The following GALK2 variants were observed in gnomAD, a reference collection of about 807,000 sequenced individuals.
GALK2 encodes N-acetylgalactosamine kinase.
GALK2 carries 36 observed loss-of-function variants against 52.4 expected under a neutral mutation model. The ratio of observed to expected loss-of-function variants is 0.69; its 90% CI spans 0.53 to 0.91. The LOEUF (loss-of-function observed/expected upper bound fraction) is 0.91. Among genes scored for constraint, GALK2 ranks in the 40% least tolerant of loss-of-function variants. GALK2 has a pLI of 0.00. For missense variants in GALK2, 579 were observed against 559.1 expected, an observed-to-expected ratio of 1.04 and a Z score of -0.36; for synonymous variants, 176 against 199.1, an observed-to-expected ratio of 0.88 and a Z score of 0.98.
At chr15:49,226,987 G>A (rs971837764) in intron 3 of GALK2, among the ~76,000 whole-genome samples, 2 of 152,168 alleles carry the variant, frequency 1.3e-5, no homozygotes, top group African/African-American at 4.8e-5. Flanking sequence ...TATCTAAGAA[G>A]ATATTTGACA....
chr15:49,246,315 T>C (rs973745136), intron 5 of GALK2, among the ~76,000 whole-genome samples: 4 of 152,190 alleles, frequency 2.6e-5, no homozygotes, highest in African/African-American at 9.7e-5. Flanking sequence ...CTCTAAAAGC[T>C]AGTCTTGGGT....
intron 5 of GALK2, among the ~76,000 whole-genome samples, chr15:49,247,077 G>C (rs187819211): frequency 6.6e-6 from 1 of 152,136 alleles, no homozygotes; most frequent in South Asian, 2.1e-4. Context: ...AGTTCTCTCC[G>C]AGAAGAGGAC....
intron 5 of GALK2, among the ~76,000 whole-genome samples, chr15:49,248,756 C>G (rs943718003): frequency 2.6e-5 from 4 of 152,086 alleles, no homozygotes; most frequent in African/African-American, 7.2e-5. Flanking sequence ...AGCTATTTGT[C>G]TTTGCAGACG....
chr15:49,253,860 A>G (rs1283488276), intron 5 of GALK2, among the ~76,000 whole-genome samples: 1 of 143,950 alleles, frequency 6.9e-6, no homozygotes, highest in African/African-American at 2.5e-5. Context: ...CATCATCATC[A>G]TCAACAACAA....
At chr15:49,238,136 T>C (rs2090925081) in intron 4 of GALK2, among the ~76,000 whole-genome samples, 1 of 152,330 alleles carries the variant, frequency 6.6e-6, no homozygotes, top group South Asian at 2.1e-4. Context: ...GTATAATAGG[T>C]ATGATGAAAT....
At chr15:49,168,454 C>G (rs1219076978), upstream of GALK2, among the ~76,000 whole-genome samples, 1 of 152,144 alleles carries the variant, frequency 6.6e-6, no homozygotes, top group Admixed American at 6.5e-5. Flanking sequence ...CACGGTGGCT[C>G]ACACCTTTAA....
intron 1 of GALK2, among the ~76,000 whole-genome samples, chr15:49,158,169 G>C: frequency 6.6e-6 from 1 of 152,138 alleles, no homozygotes; most frequent in Admixed American, 6.5e-5. Flanking sequence ...TGTGAATTGT[G>C]GGTATATTGG....
At chr15:49,240,021 G>A (rs927066800) in intron 5 of GALK2, among the ~76,000 whole-genome samples, 2 of 152,118 alleles carry the variant, frequency 1.3e-5, no homozygotes, top group Non-Finnish European at 2.9e-5. Flanking sequence ...CCAGGTTTAC[G>A]GATGGTTTGG....
intron 8 of GALK2, among the ~76,000 whole-genome samples, chr15:49,293,703 A>T (rs1333350735): frequency 1.3e-5 from 2 of 152,188 alleles, no homozygotes; most frequent in Non-Finnish European, 2.9e-5. Flanking sequence ...TAATCTGTAT[A>T]ATGTGCTAAG....
intron 2 of GALK2, among the ~76,000 whole-genome samples, chr15:49,205,521 A>G (rs879911468): frequency 2.6e-5 from 4 of 152,162 alleles, no homozygotes; most frequent in Admixed American, 1.3e-4. Context: ...GGCCATTTCT[A>G]TATCTTCCTT....
chr15:49,155,822 C>T, exon 1 of GALK2: 4 of 732,720 alleles, frequency 5.5e-6, no homozygotes, highest in Non-Finnish European at 9.1e-6. Flanking sequence ...GGACATCGTC[C>T]GGTGCTGCAG....
At chr15:49,347,314 G>T (rs1428480789) in intron 3 of GALK2, among the ~76,000 whole-genome samples, 1 of 152,174 alleles carries the variant, frequency 6.6e-6, no homozygotes, top group Admixed American at 6.5e-5. Flanking sequence ...TTTGAAGTAG[G>T]AGACAGAAGA....
intron 8 of GALK2, among the ~76,000 whole-genome samples, chr15:49,307,300 T>C (rs1276818868): frequency 6.6e-6 from 1 of 152,176 alleles, no homozygotes; most frequent in Non-Finnish European, 1.5e-5. Flanking sequence ...TGGGGGACTG[T>C]TGATGTTTCT....
intron 1 of GALK2, among the ~76,000 whole-genome samples, chr15:49,163,118 A>G (rs1250569825): frequency 6.6e-6 from 1 of 152,216 alleles, no homozygotes; most frequent in Non-Finnish European, 1.5e-5. Flanking sequence ...AGTGCATAAG[A>G]GTTCTAGTTG....
intron 1 of GALK2, among the ~76,000 whole-genome samples, chr15:49,187,449 G>A (rs1367826952): frequency 6.6e-6 from 1 of 152,164 alleles, no homozygotes; most frequent in African/African-American, 2.4e-5. Flanking sequence ...GGTTACCACT[G>A]ATGCTCCCTC....
chr15:49,236,499 G>T (rs947704226), intron 4 of GALK2, among the ~76,000 whole-genome samples: 2 of 152,202 alleles, frequency 1.3e-5, no homozygotes, highest in Middle Eastern at 3.4e-3. Flanking sequence ...ATAATGAAAT[G>T]TATTAGTATA....
chr15:49,182,340 G>A (rs1209479746), intron 1 of GALK2, among the ~76,000 whole-genome samples: 3 of 152,030 alleles, frequency 2.0e-5, no homozygotes, highest in Non-Finnish European at 4.4e-5. Flanking sequence ...TCTTTTTTAC[G>A]GCTGAGTAGT....
intron 3 of GALK2, chr15:49,235,572 A>T: frequency 1.8e-6 from 1 of 558,914 alleles, no homozygotes; most frequent in Non-Finnish European, 3.4e-6. Flanking sequence ...CCAACATGAA[A>T]GAGAAAATAG....
chr15:49,216,430 C>T (rs2089379545), intron 2 of GALK2, among the ~76,000 whole-genome samples: 1 of 152,194 alleles, frequency 6.6e-6, no homozygotes, highest in Non-Finnish European at 1.5e-5. Flanking sequence ...CACTTCTTTC[C>T]TTAAGCTAAA....
Sources: allele counts gnomAD v4.1 joint callset (sites outside exome capture counted in the v4.1 genomes callset), GRCh38; gene constraint gnomAD v4.1.1; transcripts MANE v1.5; gene names NCBI Gene and HGNC (gene_info 2026-07-23, HGNC 2026-07-21).